ANKFY1: variants seen among roughly 807,000 people sequenced by gnomAD.
The protein encoded by ANKFY1 is ankyrin repeat and FYVE domain containing 1.
ANKFY1 carries 47 observed loss-of-function variants against 128.3 expected under a neutral mutation model. The ratio of observed to expected loss-of-function variants is 0.37; its 90% CI spans 0.29 to 0.47. The LOEUF is 0.47. Among genes scored for constraint, ANKFY1 ranks in the 20% least tolerant of loss-of-function variants. ANKFY1 has a pLI of 1.00. For synonymous variants in ANKFY1, 553 were observed against 601.6 expected, an observed-to-expected ratio of 0.92 and a Z score of 1.18; for missense variants, 1,222 against 1,510.6, an observed-to-expected ratio of 0.81 and a Z score of 3.17.
At chr17:4,213,188 T>C (rs1161918783) in intron 4 of ANKFY1, among the ~76,000 whole-genome samples, 1 of 151,968 alleles carries the variant, frequency 6.6e-6, no homozygotes, top group African/African-American at 2.4e-5. Flanking sequence ...CTAAGATCTG[T>C]CAAAGCTTTG....
intron 19 of ANKFY1, among the ~76,000 whole-genome samples, chr17:4,176,011 C>T (rs557758831): frequency 5.3e-5 from 8 of 152,300 alleles, no homozygotes; most frequent in African/African-American, 1.4e-4. Context: ...CTGATGAACA[C>T]GAGGCCGATT....
At chr17:4,170,574 G>T in intron 23 of ANKFY1, 141 bp downstream of exon 23, 1 of 1,222,888 alleles carries the variant, frequency 8.2e-7, no homozygotes, top group Non-Finnish European at 1.1e-6. Flanking sequence ...CTTATTCAGA[G>T]AAATGGTCCC....
At position 4,207,426 on chromosome 17, in the gene ANKFY1, C is replaced by T. The variant is rs556314579; in HGVS notation, c.732+507G>A. Among the ~76,000 whole-genome samples, 117 of 152,246 alleles carry T rather than the reference C, an allele frequency of 7.7e-4. 1 individual carries two copies. Among genetic ancestry groups the T allele is most frequent in the Non-Finnish European group, 1.2e-3 (85 of 68,012 alleles). ...ACAGCCAGCAAGAAAATGGGGACCT[C>T]GATCCTGTAAGTGCAAGAATCTGAA... On this transcript the variant is annotated intron_variant, in intron 6 of 24. Coordinates refer to ENST00000341657, the MANE Select transcript of ANKFY1 (RefSeq NM_001330063.2).
At position 4,169,217 on chromosome 17, in the gene ANKFY1, T is replaced by C. The variant is rs753561600; in HGVS notation, c.3358A>G (p.Thr1120Ala). ...CYECTARFGV[T>A]TRKHHCRHCG... ...TCTTACCAGTGGTGTTTGCGAGTGG[T>C]GACTCCGAACCTGGCAGTGCACTCA... Residue 1120 changes from threonine to alanine, a missense_variant, in exon 24 of 25, where the codon ACC becomes GCC. Coordinates refer to ENST00000341657, the MANE Select transcript of ANKFY1 (RefSeq NM_001330063.2). This position sits in a 1 kb window ranked among gnomAD's most constrained non-coding sequence, Gnocchi z 5.0. The C allele has an allele frequency of 1.0e-5, 16 of 1,552,536 alleles. No homozygotes were observed. The highest frequency in any genetic ancestry group is 1.3e-5 in the Non-Finnish European group (15 of 1,147,602).
At chr17:4,255,329 C>G in intron 1 of ANKFY1, among the ~76,000 whole-genome samples, 1 of 150,544 alleles carries the variant, frequency 6.6e-6, no homozygotes, top group Non-Finnish European at 1.5e-5. Flanking sequence ...TCATGGCAAC[C>G]TCTGCCTCCC....
At chr17:4,172,331 G>A (rs1305607574) in intron 22 of ANKFY1, among the ~76,000 whole-genome samples, 1 of 152,178 alleles carries the variant, frequency 6.6e-6, no homozygotes, top group Non-Finnish European at 1.5e-5. Context: ...GTTTGGAGAA[G>A]GGTATGGATG....
chr17:4,187,993 G>A (rs2059643002), intron 11 of ANKFY1: 1 of 152,252 alleles, frequency 6.6e-6, no homozygotes, highest in African/African-American at 2.4e-5. Context: ...GGAGATAGTA[G>A]AGCATGTCTC....
chr17:4,211,485 CA>C (rs2060129937), intron 4 of ANKFY1, among the ~76,000 whole-genome samples: 1 of 152,010 alleles, frequency 6.6e-6, no homozygotes, highest in African/African-American at 2.4e-5. Context: ...AACAAAACCA[CA>C]GTACACCAAA....
At chr17:4,226,706 G>A (rs2060431872) in intron 3 of ANKFY1, among the ~76,000 whole-genome samples, 1 of 148,264 alleles carries the variant, frequency 6.7e-6, no homozygotes, top group South Asian at 2.1e-4. Flanking sequence ...TAGCGCCACT[G>A]CACTCCAGCC....
At chr17:4,180,644 G>T (rs1385733630) in intron 16 of ANKFY1, among the ~76,000 whole-genome samples, 2 of 148,438 alleles carry the variant, frequency 1.3e-5, no homozygotes, top group Non-Finnish European at 3.0e-5. Context: ...GCGGGCGCCT[G>T]TAGTCCCAGG....
rs1399655938 is a variant in ANKFY1 at position 4,223,536 on chromosome 17, T to C, written c.323-6418A>G. On this transcript the variant is annotated intron_variant, in intron 3 of 24. Transcript: ENST00000341657. ...AAAACAGGCCAGTTTGTTGGATGGC[T>C]CTTGAAAGTCTGGTTAATAACGAGT... 6 of 1,195,630 alleles carry C rather than the reference T, an allele frequency of 5.0e-6. No homozygotes were observed. The Admixed American group carries it at 5.0e-5, about 10-fold the overall frequency. The allele number at this position is 1,195,630 out of a possible 1,614,324, so 74.1% of individuals were successfully genotyped here.
intron 3 of ANKFY1, among the ~76,000 whole-genome samples, chr17:4,235,209 G>C (rs1323944808): frequency 6.6e-6 from 1 of 151,880 alleles, no homozygotes; most frequent in Admixed American, 6.6e-5. Context: ...TGGGTGTGGT[G>C]GTGGGTGCCT....
intron 1 of ANKFY1, among the ~76,000 whole-genome samples, chr17:4,258,101 T>C (rs1968215099): frequency 1.3e-5 from 2 of 152,120 alleles, no homozygotes; most frequent in South Asian, 4.1e-4. Flanking sequence ...CTGGTGACAG[T>C]AGTCACCAGG....
chr17:4,173,246 C>T (rs948832250), intron 21 of ANKFY1, 108 bp downstream of exon 21: 21 of 976,724 alleles, frequency 2.2e-5, no homozygotes, highest in African/African-American at 8.1e-5. Flanking sequence ...GGTGCCCCAG[C>T]GGCCGGTTTT....
intron 3 of ANKFY1, among the ~76,000 whole-genome samples, chr17:4,226,411 C>T (rs1216715766): frequency 6.6e-6 from 1 of 151,898 alleles, no homozygotes; most frequent in African/African-American, 2.4e-5. Context: ...CTTATAGTCC[C>T]AGCTACTAAA....
intron 20 of ANKFY1, 123 bp from the exon 21 acceptor site, chr17:4,173,567 C>A (rs971001395): frequency 4.2e-5 from 37 of 872,724 alleles, no homozygotes; most frequent in Non-Finnish European, 6.7e-5. Flanking sequence ...TGGCCACGCA[C>A]AGAGCCATCC....
At chr17:4,243,579 G>C (rs1280704981) in intron 1 of ANKFY1, among the ~76,000 whole-genome samples, 1 of 152,176 alleles carries the variant, frequency 6.6e-6, no homozygotes, top group Non-Finnish European at 1.5e-5. Flanking sequence ...CTGGGACACA[G>C]GGAGGTTACA....
intron 3 of ANKFY1, among the ~76,000 whole-genome samples, chr17:4,218,144 A>AT (rs968608691): frequency 6.6e-6 from 1 of 152,334 alleles, no homozygotes; most frequent in East Asian, 1.9e-4. Context: ...ATCAGAGTAC[A>AT]TTTTTTTATC....
intron 1 of ANKFY1, among the ~76,000 whole-genome samples, chr17:4,262,660 T>C (rs1366160751): frequency 6.6e-6 from 1 of 151,560 alleles, no homozygotes; most frequent in Non-Finnish European, 1.5e-5. Context: ...GGCAGAAGGA[T>C]CGCTTGAGCC....
Sources: gnomAD v4.1 joint callset for allele counts (sites outside exome capture counted in the v4.1 genomes callset) on GRCh38, gnomAD v4.1.1 for gene constraint, Gnocchi (gnomAD v3.1) non-coding constraint, MANE v1.5 for transcripts, NCBI Gene and HGNC (gene_info 2026-07-23, HGNC 2026-07-21) for gene names.